FER: variants seen among roughly 807,000 people sequenced by gnomAD.
The protein encoded by FER is tyrosine-protein kinase Fer.
A neutral mutation model predicts 111.0 loss-of-function variants in FER; 63 were observed. The observed-to-expected ratio is 0.57, with a 90% CI of 0.46 to 0.70. The LOEUF (loss-of-function observed/expected upper bound fraction) is 0.70. Among genes scored for constraint, FER ranks in the 30% least tolerant of loss-of-function variants. The pLI is 0.00. For missense variants in FER, 914 were observed against 954.0 expected (o/e 0.96, Z 0.55); for synonymous variants, 327 against 313.9 (o/e 1.04, Z -0.44).
chr5:108,870,951 C>T lies in FER; in HGVS notation c.666-414C>T, dbSNP rs148067319. 3.9e-5 allele frequency among the ~76,000 whole-genome samples: 6 copies of T among 152,144 alleles called. No homozygotes were observed. In the East Asian group the frequency reaches 1.2e-3, roughly 29 times the overall value. On this transcript the variant is annotated intron_variant, in intron 6 of 19. Transcript: ENST00000281092. ...GAGGCCCAGAGGAGCAGGGAAGAACCAGTCAGGTAGAGCATGTGAGGAAGT... is the reference window on the plus strand; with the variant it reads ...GAGGCCCAGAGGAGCAGGGAAGAACTAGTCAGGTAGAGCATGTGAGGAAGT...
In FER at chr5:109,024,974, T is replaced by A. The variant is rs528426379; in HGVS notation, c.1657-12448T>A. On this transcript the variant is annotated intron_variant, in intron 13 of 19. Transcript: ENST00000281092. ...TGAGGGCTCTGTTCTGTTCCATTGATCTATATCTCTGTTTTGGTACCAGTA... is the reference window on the plus strand; with the variant it reads ...TGAGGGCTCTGTTCTGTTCCATTGAACTATATCTCTGTTTTGGTACCAGTA... Among the ~76,000 whole-genome samples the A allele has an allele frequency of 2.6e-5, 4 of 151,682 alleles. No individual in the cohort carries two copies. The East Asian group carries it at 7.8e-4, about 29-fold the overall frequency.
rs115219877 is a variant in FER at position 109,125,819 on chromosome 5, G to C, written c.2048+25300G>C. On this transcript the variant is annotated intron_variant, in intron 17 of 19. Coordinates refer to ENST00000281092, the MANE Select transcript of FER (RefSeq NM_005246.4). ...CTTTTGAGAAATAGTTTTAGAATAA[G>C]AACATTCCCAGGTTGTTCCTAATAT... Among the ~76,000 whole-genome samples the C allele has an allele frequency of 4.2e-3, 644 of 152,252 alleles. 5 individuals carry two copies. Among genetic ancestry groups the C allele is most frequent in the African/African-American group, 0.014 (598 of 41,556 alleles).
At chr5:108,806,723 G>A (rs145906937) in intron 3 of FER, among the ~76,000 whole-genome samples, 29 of 152,140 alleles carry the variant, frequency 1.9e-4, no homozygotes, top group Admixed American at 5.2e-4. Flanking sequence ...TTTGGCCAGC[G>A]TCTCCCTTTT....
intron 10 of FER, among the ~76,000 whole-genome samples, chr5:108,933,091 A>G (rs1754927352): frequency 2.0e-5 from 3 of 151,970 alleles, no homozygotes; most frequent in Admixed American, 2.0e-4. Flanking sequence ...AAAGCTCCTT[A>G]GTTTAATTAG....
chr5:108,761,580 G>A (rs1228033236), intron 1 of FER, among the ~76,000 whole-genome samples: 1 of 152,160 alleles, frequency 6.6e-6, no homozygotes, highest in Non-Finnish European at 1.5e-5. Flanking sequence ...TTGAAATATT[G>A]TAAGAATCAC....
chr5:109,065,150 G>A (rs1374623931), intron 16 of FER, among the ~76,000 whole-genome samples: 3 of 152,118 alleles, frequency 2.0e-5, no homozygotes, highest in African/African-American at 7.2e-5. Context: ...AACTAACAGT[G>A]AGTATCAGTA....
At chr5:108,928,101 C>T (rs988422813) in intron 10 of FER, among the ~76,000 whole-genome samples, 8 of 152,172 alleles carry the variant, frequency 5.3e-5, no homozygotes, top group Non-Finnish European at 1.0e-4. Flanking sequence ...TATGGCTTAG[C>T]ACAGTACCGC....
At chr5:109,034,360 TTTAGAAGGTAGGC>T (rs1770071767) in intron 13 of FER, among the ~76,000 whole-genome samples, 1 of 152,164 alleles carries the variant, frequency 6.6e-6, no homozygotes, top group Non-Finnish European at 1.5e-5. Flanking sequence ...GATGGACATG[TTTAGAAGGTAGGC>T]TTACTTCTTT....
intron 17 of FER, among the ~76,000 whole-genome samples, chr5:109,113,256 G>A (rs892975577): frequency 1.1e-4 from 16 of 152,098 alleles, no homozygotes; most frequent in African/African-American, 3.6e-4. Flanking sequence ...ATCTTGATCT[G>A]TCCTAGGAAC....
intron 13 of FER, among the ~76,000 whole-genome samples, chr5:108,993,431 C>T (rs539474563): frequency 2.0e-5 from 3 of 151,756 alleles, no homozygotes; most frequent in East Asian, 1.9e-4. Flanking sequence ...CGCAGGCACT[C>T]GCCAGGCTGA....
chr5:109,079,258 C>T (rs1201599973), intron 16 of FER, among the ~76,000 whole-genome samples: 1 of 152,024 alleles, frequency 6.6e-6, no homozygotes, highest in Non-Finnish European at 1.5e-5. Context: ...ACTGCTCCAC[C>T]TGGGGCAAAG....
At chr5:108,990,807 G>A (rs1763074710) in intron 13 of FER, among the ~76,000 whole-genome samples, 2 of 151,498 alleles carry the variant, frequency 1.3e-5, no homozygotes, top group African/African-American at 4.8e-5. Flanking sequence ...ATAAAATCAA[G>A]CAATACAGAG....
chr5:109,055,748 C>A (rs1460102569), intron 16 of FER, among the ~76,000 whole-genome samples: 2 of 140,544 alleles, frequency 1.4e-5, no homozygotes, highest in Non-Finnish European at 3.0e-5. Context: ...GATCATGCCA[C>A]TGATCACAAC....
rs183480108 is a variant in FER, at chr5:108,870,153, A to T, written c.666-1212A>T. Among the ~76,000 whole-genome samples, 3 of 152,204 alleles carry T rather than the reference A, an allele frequency of 2.0e-5. No individual in the cohort carries two copies. The East Asian group carries it at 5.8e-4, about 29-fold the overall frequency. On this transcript the variant is annotated intron_variant, in intron 6 of 19. Transcript: ENST00000281092. ...ATATAATGGTTTCTCATGGTATGTT[A>T]TCTGTACTTTGTGTAATACATTATT...
At chr5:108,948,214 G>A (rs181605582) in intron 11 of FER, among the ~76,000 whole-genome samples, 9 of 152,150 alleles carry the variant, frequency 5.9e-5, no homozygotes, top group Admixed American at 5.9e-4. Context: ...GTTTTTAACA[G>A]TATCTTTAAA....
intron 3 of FER, among the ~76,000 whole-genome samples, chr5:108,818,496 G>T: frequency 6.6e-6 from 1 of 151,926 alleles, no homozygotes; most frequent in South Asian, 2.1e-4. Flanking sequence ...TCAGGTAAAA[G>T]CAATATTTTT....
chr5:109,174,750 G>T (rs979745438), intron 17 of FER, among the ~76,000 whole-genome samples: 35 of 152,124 alleles, frequency 2.3e-4, no homozygotes, highest in Non-Finnish European at 5.9e-5. Flanking sequence ...ATCCATTTTG[G>T]CTCTTATTTA....
At chr5:109,180,683 A>G in intron 17 of FER, 64 bp from the exon 18 acceptor site, 4 of 1,519,934 alleles carry the variant, frequency 2.6e-6, no homozygotes, top group South Asian at 2.6e-5. Flanking sequence ...TGTGGAAATC[A>G]TAAATGTGAA....
chr5:109,044,895 A>G (rs1561819136), intron 15 of FER, 100 bp downstream of exon 15: 1 of 639,412 alleles, frequency 1.6e-6, no homozygotes, highest in African/African-American at 1.9e-5. Context: ...CTGAAATAGT[A>G]GGGGTAAGCA....
Sources: allele counts gnomAD v4.1 joint callset (sites outside exome capture counted in the v4.1 genomes callset), GRCh38; gene constraint gnomAD v4.1.1; transcripts MANE v1.5; gene names NCBI Gene and HGNC (gene_info 2026-07-23, HGNC 2026-07-21).